Variants in XNDC1N observed in about 807,000 individuals in gnomAD.
The protein encoded by XNDC1N is XRCC1 N-terminal domain containing 1, N-terminal like, also known as protein XNDC1N.
the XNDC1N span, among the ~76,000 whole-genome samples, chr11:71,908,526 G>A: frequency 5.3e-5 from 8 of 152,050 alleles, no homozygotes; most frequent in African/African-American, 9.7e-5. Flanking sequence ...AACCCAAAAC[G>A]GGGACACAAA....
the XNDC1N span, among the ~76,000 whole-genome samples, chr11:71,885,416 G>T: frequency 2.0e-5 from 3 of 152,138 alleles, no homozygotes; most frequent in East Asian, 1.9e-4. Context: ...TCACACGGGG[G>T]TGTACACTTC....
chr11:71,902,486 C>T, the XNDC1N span, among the ~76,000 whole-genome samples: 8,119 of 147,332 alleles, frequency 0.055, 338 homozygotes, highest in African/African-American at 0.15. Context: ...CCACCGCGTC[C>T]GGCCAAACTT....
At chr11:71,927,429 G>A in the XNDC1N span, 4 of 152,130 alleles carry the variant, frequency 2.6e-5, no homozygotes, top group African/African-American at 9.7e-5. Flanking sequence ...GCTGAGACAT[G>A]AGAATCGTTT....
chr11:71,923,162 G>A, the XNDC1N span: 1 of 656,090 alleles, frequency 1.5e-6, no homozygotes, highest in East Asian at 2.7e-5. Context: ...ACAACCTGAG[G>A]GCAAGAGCTG....
chr11:71,898,475 C>T, the XNDC1N span, among the ~76,000 whole-genome samples: 1 of 152,008 alleles, frequency 6.6e-6, no homozygotes, highest in African/African-American at 2.4e-5. Context: ...GGCGTGATAG[C>T]GCACGCCTGT....
the XNDC1N span, among the ~76,000 whole-genome samples, chr11:71,876,246 T>C: frequency 4.6e-5 from 7 of 152,358 alleles, no homozygotes; most frequent in African/African-American, 1.7e-4. Flanking sequence ...AATTATCTAA[T>C]GGTAAATTAC....
At chr11:71,904,421 G>A in the XNDC1N span, among the ~76,000 whole-genome samples, 7 of 152,010 alleles carry the variant, frequency 4.6e-5, no homozygotes, top group African/African-American at 1.5e-4. Context: ...TACACACACC[G>A]GGTACACACA....
chr11:71,897,624 C>A, the XNDC1N span, among the ~76,000 whole-genome samples: 1 of 152,166 alleles, frequency 6.6e-6, no homozygotes, highest in East Asian at 1.9e-4. Context: ...AATGTAAAAC[C>A]GTGAAGGAGT....
At chr11:71,911,691 AT>A in the XNDC1N span, among the ~76,000 whole-genome samples, 1 of 152,182 alleles carries the variant, frequency 6.6e-6, no homozygotes, top group African/African-American at 2.4e-5. Flanking sequence ...AAAAGGGCCT[AT>A]TGAACTCTGG....
chr11:71,888,450 C>G, the XNDC1N span, among the ~76,000 whole-genome samples: 24 of 152,294 alleles, frequency 1.6e-4, no homozygotes, highest in African/African-American at 5.3e-4. Flanking sequence ...CCAACAACAG[C>G]AAGGCTTTCA....
chr11:71,903,360 C>G, the XNDC1N span: 1 of 1,460,038 alleles, frequency 6.8e-7, no homozygotes, highest in African/African-American at 1.4e-5. Flanking sequence ...CACCTCCACA[C>G]CCCATGTACT....
At chr11:71,887,715 C>T in the XNDC1N span, among the ~76,000 whole-genome samples, 2 of 152,356 alleles carry the variant, frequency 1.3e-5, no homozygotes, top group East Asian at 3.9e-4. Context: ...CCCCTCCTGT[C>T]TGTTCCCAAG....
chr11:71,913,165 CA>C, the XNDC1N span, among the ~76,000 whole-genome samples: 2 of 152,064 alleles, frequency 1.3e-5, no homozygotes, highest in Non-Finnish European at 2.9e-5. Flanking sequence ...AACAATATCA[CA>C]GGGTTTTGTA....
the XNDC1N span, chr11:71,919,137 G>T: frequency 1.6e-6 from 1 of 634,892 alleles, no homozygotes; most frequent in Non-Finnish European, 2.8e-6. Flanking sequence ...ATCCTAACAT[G>T]ATAGAAAAGG....
At chr11:71,920,277 C>T in the XNDC1N span, among the ~76,000 whole-genome samples, 2 of 145,458 alleles carry the variant, frequency 1.4e-5, no homozygotes, top group African/African-American at 5.1e-5. Flanking sequence ...AGCTCTTAAC[C>T]ACCATGATAC....
At chr11:71,885,853 A>G in the XNDC1N span, among the ~76,000 whole-genome samples, 1 of 151,890 alleles carries the variant, frequency 6.6e-6, no homozygotes, top group Non-Finnish European at 1.5e-5. Flanking sequence ...TATTAATATC[A>G]GGCATCATTA....
the XNDC1N span, among the ~76,000 whole-genome samples, chr11:71,883,603 C>A: frequency 6.6e-6 from 1 of 152,140 alleles, no homozygotes; most frequent in Non-Finnish European, 1.5e-5. Flanking sequence ...AAATGAACTA[C>A]ACATTTAAAC....
At chr11:71,871,917 A>G in the XNDC1N span, among the ~76,000 whole-genome samples, 1 of 152,220 alleles carries the variant, frequency 6.6e-6, no homozygotes, top group Non-Finnish European at 1.5e-5. Context: ...TGATGGAAAT[A>G]TAAAATAGTA....
the XNDC1N span, among the ~76,000 whole-genome samples, chr11:71,911,811 C>T: frequency 6.6e-6 from 1 of 152,218 alleles, no homozygotes; most frequent in Non-Finnish European, 1.5e-5. Context: ...GAGCTTCCAT[C>T]TTGCTGGGTT....
Sources: gnomAD v4.1 joint callset for allele counts (sites outside exome capture counted in the v4.1 genomes callset) on GRCh38, gnomAD v4.1.1 for gene constraint, MANE v1.5 for transcripts, NCBI Gene and HGNC (gene_info 2026-07-23, HGNC 2026-07-21) for gene names.